SLIT1: variants seen among roughly 807,000 people sequenced by gnomAD.
SLIT1 encodes the protein slit guidance ligand 1.
Under a neutral mutation model 186.1 loss-of-function variants are expected in SLIT1, and 66 were observed. That is an observed-to-expected ratio of 0.35 (90% CI 0.29 to 0.44). The LOEUF (loss-of-function observed/expected upper bound fraction) is 0.44, where lower values mean the gene tolerates loss of function less well. SLIT1 is among the 20% of genes least tolerant of loss of function. The pLI is 1.00. For missense variants in SLIT1, 1,638 were observed against 2,037.4 expected, an observed-to-expected ratio of 0.80 and a Z score of 3.77; for synonymous variants, 761 against 833.8, an observed-to-expected ratio of 0.91 and a Z score of 1.50.
At chr10:97,038,274 G>A (rs1005715580) in intron 21 of SLIT1, among the ~76,000 whole-genome samples, 10 of 151,960 alleles carry the variant, frequency 6.6e-5, no homozygotes, top group African/African-American at 2.2e-4. Flanking sequence ...CCCTGATGTC[G>A]CTTCTCCTCC....
rs2134585203 is a variant in SLIT1, at chr10:97,002,924, C to T, written c.3934G>A (p.Gly1312Ser). 1 of 1,614,192 alleles carries T rather than the reference C, an allele frequency of 6.2e-7. No individual in the cohort carries two copies. The highest frequency in any genetic ancestry group is 8.5e-7 in the Non-Finnish European group (1 of 1,180,032). The change falls in exon 35 of 37, where the codon GGT becomes AGT. Residue 1312 changes from glycine (G) to serine (S), a missense_variant. Gly to Ser is a moderately conservative substitution (Grantham distance 56, BLOSUM62 0). Around this residue, in one of 3 missense-constraint regions of SLIT1, gnomAD observed 173 missense variants for 290.9 expected, o/e 0.59. Transcript: ENST00000266058. ...WQILNGTGFHGCIRNLYINNE... is the reference protein window; with the variant it reads ...WQILNGTGFHSCIRNLYINNE... ...TTGATGTACAGGTTTCGGATGCAAC[C>T]GTGGAAGCCGGTGCCGTTGAGGATC... is the stretch of plus-strand genomic sequence containing the variant.
intron 4 of SLIT1, among the ~76,000 whole-genome samples, chr10:97,110,490 A>C (rs112574935): frequency 4.7e-4 from 71 of 152,380 alleles, no homozygotes; most frequent in African/African-American, 1.6e-3. Context: ...CATGAACCAC[A>C]GTCCACATCA....
rs545410528 is a variant in SLIT1, at chr10:97,001,338, C to A, written c.4379G>T (p.Arg1460Leu). ...GTGAAAGTCCCGGACAGGGTCCCCC[C>A]GGCACTCGGACTCTGGATGGGACAG... is the stretch of plus-strand genomic sequence containing the variant. Reference protein sequence around the residue: ...GELCEQESECRGDPVRDFHQV... With the variant: ...GELCEQESECLGDPVRDFHQV... Residue 1460 changes from arginine (R) to leucine (L), a missense_variant, in exon 37 of 37, where the codon CGG becomes CTG. Transcript: ENST00000266058. 6.2e-7 allele frequency: 1 copy of A among 1,612,410 alleles called. No individual in the cohort carries two copies. The highest frequency in any genetic ancestry group is 1.7e-5 in the Admixed American group (1 of 59,994).
At chr10:97,092,793 C>G (rs1313853449) in intron 4 of SLIT1, among the ~76,000 whole-genome samples, 2 of 152,200 alleles carry the variant, frequency 1.3e-5, no homozygotes, top group Non-Finnish European at 2.9e-5. Context: ...AGGGCAAGAC[C>G]CAAAAATGAT....
rs1459394246 is a variant in SLIT1, at chr10:97,048,951, G to A, written c.1465+4C>T. ...GGTGGGCAGGTGGGCAGGCGGGCAG[G>A]TACCTGAGCACCGGAACTTCTTGCT... On this transcript the variant is annotated splice_donor_region_variant and intron_variant, in intron 14 of 36. Coordinates refer to ENST00000266058, the MANE Select transcript of SLIT1 (RefSeq NM_003061.3). 6 of 1,605,782 alleles carry A rather than the reference G, an allele frequency of 3.7e-6. No homozygotes were observed. Among genetic ancestry groups the A allele is most frequent in the African/African-American group, 1.3e-5 (1 of 74,912 alleles).
chr10:97,142,051 C>T lies in SLIT1; in HGVS notation c.413+15767G>A, dbSNP rs1273827100. On this transcript the variant is annotated intron_variant, in intron 4 of 36. Coordinates refer to ENST00000266058, the MANE Select transcript of SLIT1 (RefSeq NM_003061.3). ...CTCCTGGACTCAAGCAATCCTCCCA[C>T]GTGGGCCTCCCAAAGTGCTGGGATT... is the stretch of plus-strand genomic sequence containing the variant. 7.2e-5 allele frequency among the ~76,000 whole-genome samples: 11 copies of T among 152,144 alleles called. 1 individual carries two copies. Among genetic ancestry groups the T allele is most frequent in the Non-Finnish European group, 5.9e-5 (4 of 68,026 alleles).
At chr10:97,122,722 A>G (rs1849570926) in intron 4 of SLIT1, among the ~76,000 whole-genome samples, 2 of 152,090 alleles carry the variant, frequency 1.3e-5, no homozygotes, top group Admixed American at 1.3e-4. Flanking sequence ...CATTCAACAA[A>G]TGTTTGCCAA....
At chr10:97,128,399 G>A (rs1442653622) in intron 4 of SLIT1, among the ~76,000 whole-genome samples, 3 of 152,164 alleles carry the variant, frequency 2.0e-5, no homozygotes, top group African/African-American at 7.2e-5. Flanking sequence ...AAGCGCACGT[G>A]TGCATGCTCA....
chr10:97,016,971 G>GGGGCAGGGTAGCGGGAGTAGACACA (rs1267987714), intron 28 of SLIT1, among the ~76,000 whole-genome samples: 7 of 152,236 alleles, frequency 4.6e-5, no homozygotes, highest in Non-Finnish European at 1.0e-4. Flanking sequence ...GGTACGAGCT[G>GGGGCAGGGTAGCGGGAGTAGACACA]GGGCAGGGTA....
chr10:97,043,307 G>T lies in SLIT1; in HGVS notation c.1997+63C>A. 6.3e-7 allele frequency: 1 copy of T among 1,599,976 alleles called. No individual in the cohort carries two copies. The highest frequency in any genetic ancestry group is 8.5e-7 in the Non-Finnish European group (1 of 1,170,134). On this transcript the variant is annotated intron_variant, in intron 19 of 36. Transcript: ENST00000266058. This position sits in a 1 kb window ranked among gnomAD's most constrained non-coding sequence, Gnocchi z 7.0. ...AGGGTGAGCTCTTTCAAAGTGGCTG[G>T]CCGAGACGGTTGGGACGGTTGCTCC...
At chr10:97,158,487 C>T (rs193260679) in intron 3 of SLIT1, among the ~76,000 whole-genome samples, 7,607 of 151,932 alleles carry the variant, frequency 0.05, 245 homozygotes, top group South Asian at 0.13. Flanking sequence ...CATGGTGAAA[C>T]CCCGTCTCTA....
chr10:97,053,270 T>C (rs1848807454), intron 13 of SLIT1, among the ~76,000 whole-genome samples: 1 of 152,234 alleles, frequency 6.6e-6, no homozygotes, highest in South Asian at 2.1e-4. Context: ...CATGTTTCTC[T>C]CAGACATTCT....
At chr10:97,002,516 G>A (rs1848320433) in intron 35 of SLIT1, 147 bp from the exon 36 acceptor site, 1 of 710,684 alleles carries the variant, frequency 1.4e-6, no homozygotes, top group South Asian at 2.0e-5. Context: ...AAAGGGAGTT[G>A]CATGCGACTA....
At chr10:97,166,623 G>GAAAAGAAAAGAAA (rs3979552) in intron 1 of SLIT1, among the ~76,000 whole-genome samples, 2 of 42,678 alleles carry the variant, frequency 4.7e-5, no homozygotes, top group Non-Finnish European at 9.2e-5. Flanking sequence ...AAGAAAGAAA[G>GAAAAGAAAAGAAA]AGAAAAGAAA....
chr10:97,158,053 T>A (rs927744965), intron 3 of SLIT1, among the ~76,000 whole-genome samples, 164 bp from the exon 4 acceptor site: 13 of 152,148 alleles, frequency 8.5e-5, no homozygotes, highest in Middle Eastern at 3.2e-3. Context: ...CCTCAGTTCT[T>A]CATCTGTAAA....
At chr10:97,031,319 A>G (rs1013332593) in intron 24 of SLIT1, among the ~76,000 whole-genome samples, 1 of 152,234 alleles carries the variant, frequency 6.6e-6, no homozygotes, top group Non-Finnish European at 1.5e-5. Context: ...TAATCTGAAC[A>G]GAAGTCTCAC....
Position 97,046,978 on chromosome 10 carries a change from A to G in SLIT1, c.1709+13T>C. ...CATCCCAACAGACACCTTCTCGCCAATGGGTAACTCACATTTTCTTCAGAT... is the reference window on the plus strand; with the variant it reads ...CATCCCAACAGACACCTTCTCGCCAGTGGGTAACTCACATTTTCTTCAGAT... On this transcript the variant is annotated intron_variant, in intron 17 of 36. Coordinates refer to ENST00000266058, the MANE Select transcript of SLIT1 (RefSeq NM_003061.3). 1.2e-6 allele frequency: 2 copies of G among 1,603,020 alleles called. No individual in the cohort carries two copies. Among genetic ancestry groups the G allele is most frequent in the Non-Finnish European group, 8.5e-7 (1 of 1,170,044 alleles).
At position 97,006,842 on chromosome 10, in the gene SLIT1, A is replaced by G; in HGVS notation, c.3342-122T>C. On this transcript the variant is annotated intron_variant, in intron 31 of 36. Coordinates refer to ENST00000266058, the MANE Select transcript of SLIT1 (RefSeq NM_003061.3). The surrounding 1 kb of genome is among the most constrained non-coding windows in gnomAD (Gnocchi z 4.0). ...AAATGGATTCTTAAAGCGACAGAAG[A>G]TGCTCCTAATAAACACTTTTCATGA... 1 of 686,286 alleles carries G rather than the reference A, an allele frequency of 1.5e-6. No individual in the cohort carries two copies. Among genetic ancestry groups the G allele is most frequent in the South Asian group, 1.8e-5 (1 of 54,424 alleles). 42.5% of individuals were successfully genotyped at this position (686,286 alleles called of 1,614,324 possible).
At chr10:97,076,871 G>T (rs921339283) in intron 4 of SLIT1, among the ~76,000 whole-genome samples, 1 of 152,222 alleles carries the variant, frequency 6.6e-6, no homozygotes, top group East Asian at 1.9e-4. Context: ...CCCAGCAGTG[G>T]TGTCAAAGAG....
Sources: allele counts gnomAD v4.1 joint callset (sites outside exome capture counted in the v4.1 genomes callset), GRCh38; gene constraint gnomAD v4.1.1; regional missense constraint gnomAD v4.1.1; non-coding constraint Gnocchi (gnomAD v3.1); transcripts MANE v1.5; gene names NCBI Gene and HGNC (gene_info 2026-07-23, HGNC 2026-07-21).